CCDC80: variants seen among roughly 807,000 people sequenced by gnomAD.
The protein encoded by CCDC80 is coiled-coil domain-containing protein 80.
A neutral mutation model predicts 78.7 loss-of-function variants in CCDC80; 49 were observed. That is an observed-to-expected ratio of 0.62 (90% CI 0.50 to 0.79). The LOEUF is 0.79. CCDC80 is among the 30% of genes least tolerant of loss of function. The pLI, the probability that CCDC80 is intolerant of heterozygous loss-of-function variation, is 0.00. For synonymous variants in CCDC80, 488 were observed against 447.0 expected (o/e 1.09, Z -1.16); for missense variants, 1,205 against 1,198.6 (o/e 1.01, Z -0.08).
rs1018891959 is a variant in CCDC80 at position 112,600,808 on chromosome 3, C to G, written c.*4609G>C. On this transcript the variant is annotated 3_prime_UTR_variant, in exon 8 of 8. Coordinates refer to ENST00000206423, the MANE Select transcript of CCDC80 (RefSeq NM_199511.3). ...TGTGAGCCCCTCACTGCTCCTGGCTCCCTCATTATTATATTTCCTGAAGTT... is the reference window on the plus strand; with the variant it reads ...TGTGAGCCCCTCACTGCTCCTGGCTGCCTCATTATTATATTTCCTGAAGTT... 1 of 152,050 alleles carries G rather than the reference C, an allele frequency of 6.6e-6. No homozygotes were observed. The highest frequency in any genetic ancestry group is 2.4e-5 in the African/African-American group (1 of 41,410). 9.4% of individuals were successfully genotyped at this position (152,050 alleles called of 1,614,324 possible).
Position 112,604,055 on chromosome 3 carries a change from ATAGATGAAGACTTGC to A in CCDC80, c.*1347_*1361del, listed in dbSNP as rs1205532881. 6.6e-6 allele frequency: 1 copy of A among 152,250 alleles called. No individual in the cohort carries two copies. Among genetic ancestry groups the A allele is most frequent in the African/African-American group, 2.4e-5 (1 of 41,460 alleles). 9.4% of individuals were successfully genotyped at this position (152,250 alleles called of 1,614,324 possible). Reference sequence around the variant, plus strand: ...GCTGCAATCTCATTACAAAAGTTTAATAGATGAAGACTTGCTTCTTATGAATGAACGAAGAAAGTG... The same window carrying A: ...GCTGCAATCTCATTACAAAAGTTTAATTCTTATGAATGAACGAAGAAAGTG... On this transcript the variant is annotated 3_prime_UTR_variant, in exon 8 of 8. Transcript: ENST00000206423.
rs927060750 is a variant in CCDC80 at position 112,621,806 on chromosome 3, G to C, written c.2036-2702C>G. ...TACCATAGGACAGCTCACATTCAAT[G>C]GTTGATGTAGTAAAAGAGGGGATAG... On this transcript the variant is annotated intron_variant, in intron 3 of 7. Coordinates refer to ENST00000206423, the MANE Select transcript of CCDC80 (RefSeq NM_199511.3). 2.0e-5 allele frequency among the ~76,000 whole-genome samples: 3 copies of C among 152,166 alleles called. No individual in the cohort carries two copies. In the East Asian group the frequency reaches 5.8e-4, roughly 29 times the overall value.
chr3:112,614,176 G>A (rs1236156563), intron 5 of CCDC80, among the ~76,000 whole-genome samples: 3 of 152,054 alleles, frequency 2.0e-5, no homozygotes, highest in Non-Finnish European at 4.4e-5. Context: ...TAATGCCTAC[G>A]TGAAATGATG....
At chr3:112,609,615 A>G (rs1416656376) in intron 6 of CCDC80, among the ~76,000 whole-genome samples, 23 of 152,146 alleles carry the variant, frequency 1.5e-4, no homozygotes. Context: ...GTATCCAGTG[A>G]TGGTATGTAA....
intron 5 of CCDC80, 77 bp from the exon 6 acceptor site, chr3:112,610,158 T>C: frequency 7.9e-6 from 10 of 1,260,114 alleles, no homozygotes; most frequent in Non-Finnish European, 1.0e-5. Flanking sequence ...CCAGAGTGAC[T>C]TAGGCTAGCA....
intron 5 of CCDC80, among the ~76,000 whole-genome samples, chr3:112,612,679 T>A (rs1183504098): frequency 6.6e-6 from 1 of 152,208 alleles, no homozygotes; most frequent in Non-Finnish European, 1.5e-5. Flanking sequence ...TAGTATGCAT[T>A]TGCCCACTCT....
intron 4 of CCDC80, among the ~76,000 whole-genome samples, chr3:112,618,003 C>A (rs1200585066): frequency 6.6e-6 from 1 of 152,194 alleles, no homozygotes; most frequent in Non-Finnish European, 1.5e-5. Context: ...GGGCTAGTTA[C>A]TTAACCATTC....
intron 2 of CCDC80, among the ~76,000 whole-genome samples, chr3:112,633,990 C>T (rs183498744): frequency 6.6e-6 from 1 of 152,182 alleles, no homozygotes; most frequent in Admixed American, 6.5e-5. Flanking sequence ...GGCTTCTGTT[C>T]CAACTGGTGT....
chr3:112,638,257 T>C lies in CCDC80; in HGVS notation c.1649A>G (p.Lys550Arg), dbSNP rs1936253005. 1.2e-6 allele frequency: 2 copies of C among 1,613,842 alleles called. No individual in the cohort carries two copies. The change falls in exon 2 of 8, where the codon AAG (lysine) becomes AGG (arginine). Residue 550 changes from lysine to arginine, a missense_variant. Transcript: ENST00000206423. ...GTTCTCATTCTTCATCTTTTTTTTC[T>C]TCTCCTTCTCTGGTTTCTCAAGCTT... ...HEKLEKPEKE[K>R]KKKMKNENAD...
At position 112,598,942 on chromosome 3, in the gene CCDC80, C is replaced by T. The variant is rs1359771604; in HGVS notation, c.*6475G>A. The T allele has an allele frequency of 6.6e-6, 1 of 152,158 alleles. No individual in the cohort carries two copies. The highest frequency in any genetic ancestry group is 1.5e-5 in the Non-Finnish European group (1 of 68,048). 9.4% of individuals were successfully genotyped at this position (152,158 alleles called of 1,614,324 possible). A position where few individuals can be genotyped will look rare whatever the true frequency, so the allele number is the denominator to read the frequency against. On this transcript the variant is annotated 3_prime_UTR_variant, in exon 8 of 8. Transcript: ENST00000206423. ...GAGTTATTTAATACCTTTCCCTATT[C>T]CCACAAAAATCTGGAACTGGGTTCT...
intron 5 of CCDC80, among the ~76,000 whole-genome samples, chr3:112,610,915 C>CTTTTT (rs11379147): frequency 1.6e-3 from 199 of 123,234 alleles, no homozygotes; most frequent in Non-Finnish European, 2.1e-3. Context: ...TTCTTTCTTT[C>CTTTTT]TTTTTTTTTT....
At chr3:112,607,378 C>T (rs961142932) in intron 6 of CCDC80, 122 bp from the exon 7 acceptor site, 2 of 594,378 alleles carry the variant, frequency 3.4e-6, no homozygotes, top group African/African-American at 1.9e-5. Context: ...GAGCATAACC[C>T]GATTGAGAAG....
chr3:112,640,315 T>G lies in CCDC80; in HGVS notation c.-12+12A>C, dbSNP rs1285058422. The G allele has an allele frequency of 5.5e-6, 1 of 180,564 alleles. No homozygotes were observed. Among genetic ancestry groups the G allele is most frequent in the Non-Finnish European group, 1.2e-5 (1 of 84,536 alleles). The allele number at this position is 180,564 out of a possible 1,614,324, so 11.2% of individuals were successfully genotyped here. ...ATAAACAGATCAAAGACAGAAAAGATTACACACTTACATGGTGGCTCATAG... is the reference window on the plus strand; with the variant it reads ...ATAAACAGATCAAAGACAGAAAAGAGTACACACTTACATGGTGGCTCATAG... On this transcript the variant is annotated intron_variant, in intron 1 of 7. Transcript: ENST00000206423.
chr3:112,622,088 T>C (rs1363073800), intron 3 of CCDC80, among the ~76,000 whole-genome samples: 8 of 152,102 alleles, frequency 5.3e-5, no homozygotes, highest in Non-Finnish European at 8.8e-5. Context: ...AGGACTCAGG[T>C]GACATTACCT....
chr3:112,619,325 C>G (rs142666788), intron 3 of CCDC80, among the ~76,000 whole-genome samples: 2 of 152,206 alleles, frequency 1.3e-5, no homozygotes, highest in African/African-American at 4.8e-5. Flanking sequence ...ATGATCAAGG[C>G]TCCATCTCTG....
At chr3:112,613,962 A>C (rs1398091) in intron 5 of CCDC80, among the ~76,000 whole-genome samples, 124,060 of 151,910 alleles carry the variant, frequency 0.82, 53,897 homozygotes, top group Non-Finnish European at 0.96. Flanking sequence ...ACTTGAAACT[A>C]CAAATTAGAA....
At chr3:112,631,851 G>A (rs773684771) in intron 2 of CCDC80, among the ~76,000 whole-genome samples, 5 of 152,124 alleles carry the variant, frequency 3.3e-5, no homozygotes, top group Non-Finnish European at 7.4e-5. Flanking sequence ...TGAATGGAAC[G>A]TTAACAAAGG....
intron 7 of CCDC80, 142 bp downstream of exon 7, chr3:112,607,034 A>G: frequency 1.7e-6 from 1 of 596,002 alleles, no homozygotes; most frequent in Non-Finnish European, 2.9e-6. Flanking sequence ...ACACAGGCAC[A>G]CATGCACAAA....
chr3:112,615,319 T>G (rs1416333204), intron 5 of CCDC80, among the ~76,000 whole-genome samples: 1 of 152,152 alleles, frequency 6.6e-6, no homozygotes, highest in African/African-American at 2.4e-5. Context: ...GAGTAAAGAT[T>G]CTGCTTGGAG....
Sources: allele counts gnomAD v4.1 joint callset (sites outside exome capture counted in the v4.1 genomes callset), GRCh38; gene constraint gnomAD v4.1.1; transcripts MANE v1.5; gene names NCBI Gene and HGNC (gene_info 2026-07-23, HGNC 2026-07-21).